Variants in CLIC5 observed in about 807,000 individuals in gnomAD.
CLIC5 encodes CLIC family member 5, also known as chloride intracellular channel protein 5.
A neutral mutation model predicts 24.7 loss-of-function variants in CLIC5; 20 were observed. That is an observed-to-expected ratio of 0.81 (90% confidence interval 0.57 to 1.18). The LOEUF (loss-of-function observed/expected upper bound fraction) is 1.18, where lower values mean the gene tolerates loss of function less well. CLIC5 is among the 50% of genes most tolerant of loss of function. The pLI is 0.00. For synonymous variants in CLIC5, 159 were observed against 135.6 expected, an observed-to-expected ratio of 1.17 and a Z score of -1.20; for missense variants, 341 against 326.1, an observed-to-expected ratio of 1.05 and a Z score of -0.35.
intron 1 of CLIC5, 110 bp from the exon 2 acceptor site, chr6:45,955,354 C>G: frequency 1.4e-6 from 1 of 716,552 alleles, no homozygotes; most frequent in East Asian, 2.7e-5. Context: ...AAACCATGTC[C>G]CAGCAACTTC....
At chr6:45,933,886 G>A (rs1233351562) in intron 4 of CLIC5, among the ~76,000 whole-genome samples, 5 of 152,176 alleles carry the variant, frequency 3.3e-5, no homozygotes, top group African/African-American at 4.8e-5. Flanking sequence ...TTGTGAGATC[G>A]GGAGGAGCAC....
At chr6:46,032,757 G>A (rs1312490666) in intron 1 of CLIC5, among the ~76,000 whole-genome samples, 1 of 152,118 alleles carries the variant, frequency 6.6e-6, no homozygotes, top group African/African-American at 2.4e-5. Context: ...CCAAAGCCGA[G>A]AGGAACTTAG....
chr6:45,968,769 T>C (rs1374897596), intron 1 of CLIC5, among the ~76,000 whole-genome samples: 1 of 152,342 alleles, frequency 6.6e-6, no homozygotes, highest in East Asian at 1.9e-4. Context: ...CATCTTCCTA[T>C]ACTTGTGCAG....
chr6:45,944,549 CAAAAAAAAAAA>C (rs773971605), intron 3 of CLIC5, among the ~76,000 whole-genome samples: 3 of 61,416 alleles, frequency 4.9e-5, no homozygotes, highest in Non-Finnish European at 6.7e-5. Flanking sequence ...GGCTTCTCAC[CAAAAAAAAAAA>C]AAAAAAAAAA....
chr6:46,014,436 C>CAGTG (rs1011670493), intron 1 of CLIC5: 3 of 152,190 alleles, frequency 2.0e-5, no homozygotes, highest in African/African-American at 7.2e-5. Context: ...TGACAGGCAC[C>CAGTG]AGTGACTCTT....
chr6:45,886,457 C>T (rs980299715), intron 6 of CLIC5, among the ~76,000 whole-genome samples: 1 of 152,190 alleles, frequency 6.6e-6, no homozygotes, highest in Non-Finnish European at 1.5e-5. Flanking sequence ...GCAATTTAAA[C>T]ATTTTAAGGC....
At chr6:45,882,202 C>T (rs1211736226) in intron 6 of CLIC5, among the ~76,000 whole-genome samples, 1 of 152,210 alleles carries the variant, frequency 6.6e-6, no homozygotes, top group Non-Finnish European at 1.5e-5. Flanking sequence ...TTGGATGGCT[C>T]CCAAGGGCCA....
intron 3 of CLIC5, among the ~76,000 whole-genome samples, chr6:45,946,576 C>T (rs573534719): frequency 2.7e-4 from 41 of 152,292 alleles, no homozygotes; most frequent in Non-Finnish European, 4.7e-4. Context: ...GGTTTTGCTG[C>T]CCCCTAGAGA....
chr6:46,113,923 C>T, the CLIC5 span, among the ~76,000 whole-genome samples: 1 of 152,182 alleles, frequency 6.6e-6, no homozygotes, highest in Non-Finnish European at 1.5e-5. Flanking sequence ...ACCCACTCTG[C>T]TGATACCTTG....
intron 4 of CLIC5, among the ~76,000 whole-genome samples, chr6:45,921,201 A>G (rs545898780): frequency 5.3e-5 from 8 of 152,286 alleles, no homozygotes; most frequent in African/African-American, 1.9e-4. Context: ...TGTCTTTTAA[A>G]TAATGTCTAC....
At chr6:45,912,130 C>T in intron 5 of CLIC5, 2 of 986,628 alleles carry the variant, frequency 2.0e-6, no homozygotes, top group Non-Finnish European at 2.4e-6. Context: ...TTAGCTCCCA[C>T]AGCCCAGATT....
intron 4 of CLIC5, among the ~76,000 whole-genome samples, chr6:45,922,534 G>A (rs1763303942): frequency 6.6e-6 from 1 of 152,052 alleles, no homozygotes; most frequent in Admixed American, 6.6e-5. Flanking sequence ...TTTTTTTAAA[G>A]GCAAGAGACT....
chr6:45,880,963 C>G (rs988503956), downstream of CLIC5: 1 of 393,528 alleles, frequency 2.5e-6, no homozygotes, highest in Non-Finnish European at 4.5e-6. Context: ...TTTAATTTTA[C>G]TAGAGGGAAT....
intron 5 of CLIC5, 101 bp from the exon 6 acceptor site, chr6:45,903,356 C>T: frequency 7.3e-6 from 7 of 964,720 alleles, no homozygotes; most frequent in Non-Finnish European, 1.0e-5. Flanking sequence ...CAGGAAACCT[C>T]CGTGCATCAC....
chr6:46,050,723 T>TA (rs1386951106), intron 1 of CLIC5, among the ~76,000 whole-genome samples: 1 of 152,114 alleles, frequency 6.6e-6, no homozygotes, highest in African/African-American at 2.4e-5. Context: ...TGAGATGGCT[T>TA]AGGTGGTAGC....
chr6:45,926,551 C>G (rs575963308), intron 4 of CLIC5, among the ~76,000 whole-genome samples: 4 of 152,032 alleles, frequency 2.6e-5, no homozygotes, highest in African/African-American at 7.3e-5. Context: ...CCACCGCGCC[C>G]GGCCAGAGAA....
intron 1 of CLIC5, among the ~76,000 whole-genome samples, chr6:45,995,286 C>T (rs1766093277): frequency 6.6e-6 from 1 of 152,154 alleles, no homozygotes; most frequent in African/African-American, 2.4e-5. Context: ...TCACATAAAG[C>T]TATTAGAGCA....
intron 1 of CLIC5, among the ~76,000 whole-genome samples, chr6:45,965,484 C>T (rs142443789): frequency 2.0e-4 from 30 of 152,238 alleles, no homozygotes; most frequent in Middle Eastern, 3.4e-3. Context: ...TCTCAACATC[C>T]GGAAACATTT....
At chr6:45,985,387 A>G (rs548971904) in intron 1 of CLIC5, among the ~76,000 whole-genome samples, 24 of 152,348 alleles carry the variant, frequency 1.6e-4, no homozygotes, top group African/African-American at 5.8e-4. Flanking sequence ...CAGAGCAGGA[A>G]GTATGTGTAT....
Sources: gnomAD v4.1 joint callset for allele counts (sites outside exome capture counted in the v4.1 genomes callset) on GRCh38, gnomAD v4.1.1 for gene constraint, MANE v1.5 for transcripts, NCBI Gene and HGNC (gene_info 2026-07-23, HGNC 2026-07-21) for gene names.